FOXN3: variants seen among roughly 807,000 people sequenced by gnomAD.
The protein encoded by FOXN3 is forkhead box N3.
Under a neutral mutation model 38.4 loss-of-function variants are expected in FOXN3, and 7 were observed. That is an observed-to-expected ratio of 0.18 (90% CI 0.10 to 0.34). FOXN3 has a LOEUF of 0.34. FOXN3 is among the 10% of genes least tolerant of loss of function. The probability of loss-of-function intolerance (pLI) is 1.00; values close to 1 mark genes in which losing one functional copy is unlikely to be tolerated. For missense variants in FOXN3, 456 were observed against 613.4 expected, an observed-to-expected ratio of 0.74 and a Z score of 2.71; for synonymous variants, 230 against 242.2, an observed-to-expected ratio of 0.95 and a Z score of 0.47.
At chr14:89,193,093 A>AT (rs376702794) in intron 4 of FOXN3, among the ~76,000 whole-genome samples, 76 of 151,908 alleles carry the variant, frequency 5.0e-4, no homozygotes, top group African/African-American at 1.6e-3. Flanking sequence ...AAGAAAAACG[A>AT]TTTTTTCCTG....
At chr14:89,590,548 T>C (rs1895928794) in intron 1 of FOXN3, among the ~76,000 whole-genome samples, 1 of 152,164 alleles carries the variant, frequency 6.6e-6, no homozygotes, top group Non-Finnish European at 1.5e-5. Context: ...TGTGGGAATT[T>C]AGTTAGACTA....
intron 4 of FOXN3, among the ~76,000 whole-genome samples, chr14:89,221,971 C>T (rs1012413150): frequency 4.6e-5 from 7 of 152,150 alleles, no homozygotes; most frequent in African/African-American, 1.7e-4. Context: ...TACAGGCGCC[C>T]GCCACGGCGC....
chr14:89,188,380 G>T (rs991443770), intron 4 of FOXN3, among the ~76,000 whole-genome samples: 2 of 152,128 alleles, frequency 1.3e-5, no homozygotes, highest in Non-Finnish European at 2.9e-5. Flanking sequence ...GGACGTTTAT[G>T]GAAGCTGCTG....
chr14:89,358,924 T>C (rs2140022677), intron 2 of FOXN3, among the ~76,000 whole-genome samples: 1 of 152,138 alleles, frequency 6.6e-6, no homozygotes, highest in Non-Finnish European at 1.5e-5. Context: ...AAAATGGGAG[T>C]GAATTAATAA....
intron 4 of FOXN3, among the ~76,000 whole-genome samples, chr14:89,200,399 TAC>T (rs763697854): frequency 6.6e-6 from 1 of 152,160 alleles, no homozygotes; most frequent in Non-Finnish European, 1.5e-5. Flanking sequence ...GGAAGGTAAG[TAC>T]AGAGCTCAAA....
chr14:89,369,321 G>A (rs1890245360), intron 2 of FOXN3, among the ~76,000 whole-genome samples: 1 of 152,182 alleles, frequency 6.6e-6, no homozygotes, highest in African/African-American at 2.4e-5. Context: ...TTTAGTAGCA[G>A]TGATAGTAGC....
intron 1 of FOXN3, among the ~76,000 whole-genome samples, chr14:89,582,280 T>A (rs1049472927): frequency 3.3e-5 from 5 of 152,180 alleles, no homozygotes; most frequent in Non-Finnish European, 7.3e-5. Flanking sequence ...CCCAAACTCA[T>A]GTCCAAAATG....
At chr14:89,179,316 CAGG>C (rs1887604164) in intron 5 of FOXN3, among the ~76,000 whole-genome samples, 1 of 152,170 alleles carries the variant, frequency 6.6e-6, no homozygotes, top group Non-Finnish European at 1.5e-5. Context: ...CTGACAACAG[CAGG>C]AGGAGTTAAA....
At chr14:89,390,224 TA>T (rs34247933) in intron 2 of FOXN3, among the ~76,000 whole-genome samples, 1,657 of 141,678 alleles carry the variant, frequency 0.012, 29 homozygotes, top group African/African-American at 0.032. Flanking sequence ...AGACTCCCTT[TA>T]AAAAAAAAAA....
At chr14:89,263,876 AC>A (rs1176413247) in intron 4 of FOXN3, 5 of 152,036 alleles carry the variant, frequency 3.3e-5, no homozygotes, top group Non-Finnish European at 5.9e-5. Flanking sequence ...ACATGGTGAA[AC>A]CCTGTCTCTA....
chr14:89,328,628 A>C (rs1439955188), intron 3 of FOXN3, among the ~76,000 whole-genome samples: 1 of 152,226 alleles, frequency 6.6e-6, no homozygotes, highest in Non-Finnish European at 1.5e-5. Context: ...TGAATAGGAG[A>C]AGAGACATTC....
intron 2 of FOXN3, among the ~76,000 whole-genome samples, chr14:89,363,954 A>AT (rs1889994827): frequency 0.017 from 44 of 2,632 alleles, no homozygotes; most frequent in Middle Eastern, 0.17. Flanking sequence ...TAAAATATAT[A>AT]TATATATATA....
chr14:89,376,713 T>A (rs566698984), intron 2 of FOXN3, among the ~76,000 whole-genome samples: 25 of 152,146 alleles, frequency 1.6e-4, no homozygotes, highest in East Asian at 1.5e-3. Flanking sequence ...GCCTGGCAAT[T>A]GTTTAAATAA....
chr14:89,378,739 G>T (rs1890557185), intron 2 of FOXN3, among the ~76,000 whole-genome samples: 1 of 138,932 alleles, frequency 7.2e-6, no homozygotes, highest in South Asian at 2.2e-4. Flanking sequence ...AGAGTCTCAC[G>T]CTCTGCAGCC....
intron 4 of FOXN3, among the ~76,000 whole-genome samples, chr14:89,210,077 GAC>G (rs1888482027): frequency 6.6e-6 from 1 of 152,222 alleles, no homozygotes; most frequent in South Asian, 2.1e-4. Context: ...ACTGTGGCTT[GAC>G]ACAGCACCTA....
intron 4 of FOXN3, among the ~76,000 whole-genome samples, chr14:89,234,344 T>C (rs1884914714): frequency 6.6e-6 from 1 of 152,180 alleles, no homozygotes; most frequent in African/African-American, 2.4e-5. Context: ...GGAGACTCCT[T>C]CCCTGCCTCC....
intron 1 of FOXN3, among the ~76,000 whole-genome samples, chr14:89,428,288 T>G (rs1754455074): frequency 6.6e-6 from 1 of 152,222 alleles, no homozygotes; most frequent in African/African-American, 2.4e-5. Flanking sequence ...CTCTTTTCAT[T>G]GGCTAGTCAA....
chr14:89,330,704 G>A (rs974181989), intron 3 of FOXN3, among the ~76,000 whole-genome samples: 1 of 152,240 alleles, frequency 6.6e-6, no homozygotes, highest in Admixed American at 6.5e-5. Context: ...TCCAAATGCT[G>A]CAATTGGAAA....
upstream of FOXN3, among the ~76,000 whole-genome samples, chr14:89,421,947 G>A (rs12885796): frequency 0.72 from 109,752 of 152,020 alleles, 40,137 homozygotes; most frequent in South Asian, 0.79. Context: ...TGGTGCAATC[G>A]TAACTCACTG....
Sources: allele counts gnomAD v4.1 joint callset (sites outside exome capture counted in the v4.1 genomes callset), GRCh38; gene constraint gnomAD v4.1.1; transcripts MANE v1.5; gene names NCBI Gene and HGNC (gene_info 2026-07-23, HGNC 2026-07-21).